Variants in MRPS35 observed in about 807,000 individuals in gnomAD.
The protein encoded by MRPS35 is small ribosomal subunit protein mS35.
MRPS35 carries 29 observed loss-of-function variants against 32.7 expected under a neutral mutation model. That is an observed-to-expected ratio of 0.89 (90% CI 0.66 to 1.21). The LOEUF is 1.21. MRPS35 is among the 50% of genes most tolerant of loss of function. The pLI, the probability that MRPS35 is intolerant of heterozygous loss-of-function variation, is 0.00. For missense variants in MRPS35, 373 were observed against 383.8 expected (o/e 0.97, Z 0.23); for synonymous variants, 148 against 139.3 (o/e 1.06, Z -0.44).
chr12:27,718,905 G>T (rs868159631), intron 3 of MRPS35, among the ~76,000 whole-genome samples: 14 of 152,056 alleles, frequency 9.2e-5, no homozygotes, highest in African/African-American at 2.9e-4. Context: ...TAGGCAACAT[G>T]GTGAAACCCC....
intron 7 of MRPS35, among the ~76,000 whole-genome samples, chr12:27,745,370 A>G (rs967228341): frequency 1.3e-5 from 2 of 152,196 alleles, no homozygotes; most frequent in African/African-American, 2.4e-5. Context: ...TCAGTGTATC[A>G]TATTCTTTCC....
At chr12:27,730,848 T>C (rs1053306724) in intron 5 of MRPS35, among the ~76,000 whole-genome samples, 28 of 152,174 alleles carry the variant, frequency 1.8e-4, no homozygotes, top group African/African-American at 5.8e-4. Flanking sequence ...CATAAAATTA[T>C]ACTTCCTCCC....
intron 7 of MRPS35, among the ~76,000 whole-genome samples, chr12:27,743,681 A>G (rs2061972152): frequency 2.0e-5 from 3 of 152,244 alleles, no homozygotes. Flanking sequence ...TAAATATCAC[A>G]AAAGTGTTAA....
At chr12:27,710,992 A>G (rs1242556056) in intron 1 of MRPS35, 37 bp downstream of exon 1, 1 of 1,579,660 alleles carries the variant, frequency 6.3e-7, no homozygotes. Flanking sequence ...GCTTTGGGGG[A>G]GGTGCAAGAG....
chr12:27,729,803 C>T (rs530610701), intron 5 of MRPS35, among the ~76,000 whole-genome samples: 4 of 151,544 alleles, frequency 2.6e-5, no homozygotes, highest in African/African-American at 9.8e-5. Context: ...AACATGAGAT[C>T]CCTACTGTTA....
chr12:27,732,000 A>G (rs1385414351), intron 5 of MRPS35, among the ~76,000 whole-genome samples: 3 of 152,248 alleles, frequency 2.0e-5, no homozygotes, highest in Non-Finnish European at 4.4e-5. Context: ...GTATATGTTT[A>G]CTGTATAAAA....
intron 7 of MRPS35, among the ~76,000 whole-genome samples, chr12:27,748,951 C>G (rs2061990528): frequency 6.6e-6 from 1 of 152,104 alleles, no homozygotes; most frequent in Non-Finnish European, 1.5e-5. Flanking sequence ...CCCAGGAGTT[C>G]AAGGCCAGCA....
intron 7 of MRPS35, among the ~76,000 whole-genome samples, chr12:27,744,641 C>T (rs2061975967): frequency 6.6e-6 from 1 of 152,148 alleles, no homozygotes; most frequent in Non-Finnish European, 1.5e-5. Context: ...TTTTATTTAG[C>T]ACTTTTTGCA....
At chr12:27,746,677 AG>A (rs1268718542) in intron 7 of MRPS35, among the ~76,000 whole-genome samples, 1 of 152,208 alleles carries the variant, frequency 6.6e-6, no homozygotes, top group East Asian at 1.9e-4. Flanking sequence ...GCCTTCAGGC[AG>A]GACTTCATTT....
intron 7 of MRPS35, among the ~76,000 whole-genome samples, chr12:27,750,143 A>G (rs941697496): frequency 6.6e-6 from 1 of 152,186 alleles, no homozygotes; most frequent in African/African-American, 2.4e-5. Context: ...GTAAATATTC[A>G]TGTATGTTGC....
chr12:27,722,697 A>G (rs2061881657), intron 4 of MRPS35, among the ~76,000 whole-genome samples: 2 of 150,678 alleles, frequency 1.3e-5, no homozygotes, highest in South Asian at 4.5e-4. Context: ...TATTTTTTCA[A>G]TGTTACAATG....
At chr12:27,723,621 C>CT (rs151070793) in intron 4 of MRPS35, among the ~76,000 whole-genome samples, 9,898 of 152,224 alleles carry the variant, frequency 0.065, 1,043 homozygotes, top group African/African-American at 0.22. Context: ...CTTTCAATTC[C>CT]TTTCAGCTGA....
intron 7 of MRPS35, among the ~76,000 whole-genome samples, chr12:27,753,357 G>A (rs1263793295): frequency 3.3e-5 from 5 of 150,238 alleles, no homozygotes; most frequent in East Asian, 4.0e-4. Flanking sequence ...CTGACTCGGT[G>A]TTGTCCCCAG....
intron 7 of MRPS35, among the ~76,000 whole-genome samples, chr12:27,740,597 A>G (rs768317739): frequency 6.6e-6 from 1 of 152,088 alleles, no homozygotes; most frequent in Non-Finnish European, 1.5e-5. Context: ...CTTCCCCTAG[A>G]GGTTACCTCT....
At chr12:27,720,156 C>A (rs866628149) in intron 4 of MRPS35, among the ~76,000 whole-genome samples, 22 of 152,084 alleles carry the variant, frequency 1.4e-4, no homozygotes, top group South Asian at 6.2e-4. Context: ...CTTTGGAAGG[C>A]CGAGGCGGGC....
At chr12:27,725,899 G>A (rs913928429) in intron 5 of MRPS35, among the ~76,000 whole-genome samples, 1 of 147,586 alleles carries the variant, frequency 6.8e-6, no homozygotes, top group African/African-American at 2.5e-5. Context: ...TCTTCCATCC[G>A]GGCTCAAGTG....
At chr12:27,713,722 C>T (rs1163140506) in intron 1 of MRPS35, among the ~76,000 whole-genome samples, 1 of 152,176 alleles carries the variant, frequency 6.6e-6, no homozygotes, top group East Asian at 1.9e-4. Context: ...GGAAACATCC[C>T]CACAGACATG....
intron 5 of MRPS35, among the ~76,000 whole-genome samples, chr12:27,726,984 G>A (rs1446428734): frequency 8.1e-6 from 1 of 122,994 alleles, no homozygotes; most frequent in East Asian, 2.3e-4. Flanking sequence ...TTTTTGAGAC[G>A]GAGTCTCACT....
intron 7 of MRPS35, among the ~76,000 whole-genome samples, chr12:27,746,224 G>T (rs2061981526): frequency 6.6e-6 from 1 of 152,160 alleles, no homozygotes; most frequent in South Asian, 2.1e-4. Flanking sequence ...TAAGGAAATT[G>T]ATTAGGTTGG....
Sources: allele counts gnomAD v4.1 joint callset (sites outside exome capture counted in the v4.1 genomes callset), GRCh38; gene constraint gnomAD v4.1.1; transcripts MANE v1.5; gene names NCBI Gene and HGNC (gene_info 2026-07-23, HGNC 2026-07-21).